Variants in ALX4 observed in about 807,000 individuals in gnomAD.
ALX4 encodes the protein homeobox protein aristaless-like 4.
Under a neutral mutation model 40.6 loss-of-function variants are expected in ALX4, and 22 were observed. The observed-to-expected ratio is 0.54, with a 90% confidence interval of 0.39 to 0.77. The LOEUF is 0.77. Among genes scored for constraint, ALX4 ranks in the 30% least tolerant of loss-of-function variants. The pLI is 0.00. For missense variants in ALX4, 556 were observed against 564.8 expected (o/e 0.98, Z 0.16); for synonymous variants, 266 against 240.5 (o/e 1.11, Z -0.98).
chr11:44,267,410 G>A lies in ALX4; in HGVS notation c.906+84C>T, dbSNP rs1007319219. 5.7e-6 allele frequency: 9 copies of A among 1,567,052 alleles called. No homozygotes were observed. In the Admixed American group the frequency reaches 8.7e-5, roughly 15 times the overall value. On this transcript the variant is annotated intron_variant, in intron 3 of 3. Coordinates refer to ENST00000652299, the MANE Select transcript of ALX4 (RefSeq NM_021926.4). The stretch of plus-strand genomic sequence containing the variant: ...AGCCTGGAGCCATAAGTCATCTCGG[G>A]GTGCCTGGGCTCTCCTCCAAGGGGC...
Position 44,275,621 on chromosome 11 carries a change from A to G in ALX4, c.504T>C (p.Pro168=). 6.2e-7 allele frequency: 1 copy of G among 1,613,580 alleles called. No individual in the cohort carries two copies. Among genetic ancestry groups the G allele is most frequent in the Non-Finnish European group, 8.5e-7 (1 of 1,179,644 alleles). ...TGTCCATCCCCACAGTGTCAGAGTC[A>G]GGGGGTAACTCTGGCTCACCCAGGG... ...ESSLGEPELP[P]DSDTVGMDSS... is the part of the protein sequence containing the mutation. The change falls in exon 2 of 4, where the codon CCT becomes CCC. Residue 168 remains proline (P), a synonymous_variant. Transcript: ENST00000652299.
rs138094422 is a variant in ALX4 at position 44,275,473 on chromosome 11, G to T, written c.652C>A (p.Arg218=). The T allele has an allele frequency of 6.8e-6, 11 of 1,614,022 alleles. No homozygotes were observed. In the East Asian group the frequency reaches 2.5e-4, roughly 36 times the overall value. ...ESNKGKKRRN[R]TTFTSYQLEE... ...AGCTGGTAGCTGGTGAAGGTGGTCC[G>T]GTTCCGCCGCTTCTTGCCCTTGTTG... The change falls in exon 2 of 4, where the codon CGG becomes AGG. Residue 218 remains arginine (R), a synonymous_variant. Coordinates refer to ENST00000652299, the MANE Select transcript of ALX4 (RefSeq NM_021926.4).
At chr11:44,280,958 G>C (rs1956306731) in intron 1 of ALX4, among the ~76,000 whole-genome samples, 1 of 152,206 alleles carries the variant, frequency 6.6e-6, no homozygotes, top group African/African-American at 2.4e-5. Context: ...ATTTCAGCTG[G>C]AGAAATGCAT....
intron 1 of ALX4, among the ~76,000 whole-genome samples, chr11:44,275,911 T>A (rs1045846788): frequency 6.6e-6 from 1 of 152,186 alleles, no homozygotes; most frequent in Non-Finnish European, 1.5e-5. Context: ...CCAGCAACAA[T>A]GTTATGTGAA....
chr11:44,280,892 G>A (rs1289510682), intron 1 of ALX4, among the ~76,000 whole-genome samples: 1 of 152,212 alleles, frequency 6.6e-6, no homozygotes, highest in East Asian at 1.9e-4. Flanking sequence ...CCCCTGGGGG[G>A]ACCCCCGTAC....
intron 1 of ALX4, among the ~76,000 whole-genome samples, chr11:44,304,853 G>A (rs1019709708): frequency 2.0e-5 from 3 of 152,172 alleles, no homozygotes; most frequent in African/African-American, 7.2e-5. Context: ...TTCCTACTGC[G>A]TGCCGGCGTC....
chr11:44,283,312 A>T (rs1956320529), intron 1 of ALX4, among the ~76,000 whole-genome samples: 2 of 152,114 alleles, frequency 1.3e-5, no homozygotes, highest in Non-Finnish European at 2.9e-5. Flanking sequence ...ACTAAAAAGA[A>T]AATACAAAAT....
chr11:44,291,994 CT>C (rs1956372477), intron 1 of ALX4, among the ~76,000 whole-genome samples: 1 of 151,698 alleles, frequency 6.6e-6, no homozygotes, highest in Admixed American at 6.6e-5. Context: ...AATTTTTGTA[CT>C]TTTAGTAGAG....
intron 3 of ALX4, among the ~76,000 whole-genome samples, chr11:44,265,455 ACCCCAGCACC>A (rs1956208063): frequency 6.6e-6 from 1 of 151,976 alleles, no homozygotes; most frequent in Non-Finnish European, 1.5e-5. Flanking sequence ...GAAGGGTGAC[ACCCCAGCACC>A]CCCCAGCTGG....
At chr11:44,273,589 G>T (rs1956261125) in intron 2 of ALX4, among the ~76,000 whole-genome samples, 1 of 152,142 alleles carries the variant, frequency 6.6e-6, no homozygotes, top group Non-Finnish European at 1.5e-5. Flanking sequence ...TGATCTCAAG[G>T]AAATCACAGT....
intron 1 of ALX4, among the ~76,000 whole-genome samples, chr11:44,303,854 T>C (rs1413871791): frequency 6.6e-6 from 1 of 152,218 alleles, no homozygotes; most frequent in Non-Finnish European, 1.5e-5. Context: ...CAAGTTGTTG[T>C]CCCGGGTTTA....
chr11:44,284,293 G>A (rs1032293644), intron 1 of ALX4, among the ~76,000 whole-genome samples: 1 of 152,134 alleles, frequency 6.6e-6, no homozygotes, highest in Non-Finnish European at 1.5e-5. Context: ...TCTGAAAGCA[G>A]TGATTAGAAT....
At position 44,261,852 on chromosome 11, in the gene ALX4, GCTT is replaced by G. The variant is rs1424424780; in HGVS notation, c.*2999_*3001del. On this transcript the variant is annotated 3_prime_UTR_variant, in exon 4 of 4. Transcript: ENST00000652299. ...GCAATGAACCACGTGGCAGGTAGATGCTTCTCTCCACCTGCCTTCATGAGCTTT... is the reference window on the plus strand; with the variant it reads ...GCAATGAACCACGTGGCAGGTAGATGCTCTCCACCTGCCTTCATGAGCTTT... The G allele has an allele frequency of 6.6e-6, 1 of 152,272 alleles. No individual in the cohort carries two copies. The highest frequency in any genetic ancestry group is 1.5e-5 in the Non-Finnish European group (1 of 68,060). 9.4% of individuals were successfully genotyped at this position (152,272 alleles called of 1,614,324 possible).
intron 1 of ALX4, among the ~76,000 whole-genome samples, chr11:44,306,064 C>T (rs941101558): frequency 1.3e-5 from 2 of 152,162 alleles, no homozygotes; most frequent in Admixed American, 1.3e-4. Context: ...GCCCAGGCGG[C>T]CCGCCCTGGA....
In ALX4 at chr11:44,264,452, A is replaced by C; in HGVS notation, c.*402T>G. ...CCAGGGGACCCCACTAGGAGCGGGA[A>C]GGATGGACAAGACTGGGCTGGTGAG... On this transcript the variant is annotated 3_prime_UTR_variant, in exon 4 of 4. Transcript: ENST00000652299. The C allele has an allele frequency of 1.4e-5, 3 of 210,910 alleles. No homozygotes were observed. The highest frequency in any genetic ancestry group is 1.9e-5 in the Non-Finnish European group (2 of 104,734). 13.1% of individuals were successfully genotyped at this position (210,910 alleles called of 1,614,324 possible). A position where few individuals can be genotyped will look rare whatever the true frequency, so the allele number is the denominator to read the frequency against.
chr11:44,284,868 T>TA (rs1295283413), intron 1 of ALX4, among the ~76,000 whole-genome samples: 3 of 151,696 alleles, frequency 2.0e-5, no homozygotes, highest in East Asian at 1.9e-4. Context: ...TATGGAAGAT[T>TA]AAAAAAAAAT....
chr11:44,291,475 C>T (rs1956368948), intron 1 of ALX4, among the ~76,000 whole-genome samples: 1 of 151,272 alleles, frequency 6.6e-6, no homozygotes, highest in South Asian at 2.1e-4. Context: ...GTGGTGCGAT[C>T]TCGGCTCACT....
chr11:44,272,492 A>G (rs1215528037), intron 2 of ALX4, among the ~76,000 whole-genome samples: 1 of 128,436 alleles, frequency 7.8e-6, no homozygotes, highest in East Asian at 2.2e-4. Context: ...CGACAGAACA[A>G]GACTCTGTCT....
chr11:44,291,512 G>A (rs1440797869), intron 1 of ALX4, among the ~76,000 whole-genome samples: 2 of 151,708 alleles, frequency 1.3e-5, no homozygotes, highest in African/African-American at 2.4e-5. Context: ...GGGTTCAAGC[G>A]ATTCTCCTGC....
Sources: gnomAD v4.1 joint callset for allele counts (sites outside exome capture counted in the v4.1 genomes callset) on GRCh38, gnomAD v4.1.1 for gene constraint, MANE v1.5 for transcripts, NCBI Gene and HGNC (gene_info 2026-07-23, HGNC 2026-07-21) for gene names.